The following CHCHD6 variants were observed in gnomAD, a reference collection of about 807,000 sequenced individuals.
The protein encoded by CHCHD6 is coiled-coil-helix-coiled-coil-helix domain containing 6, also known as MICOS complex subunit MIC25.
CHCHD6 carries 28 observed loss-of-function variants against 32.3 expected under a neutral mutation model. That is an observed-to-expected ratio of 0.87 (90% CI 0.64 to 1.19). The LOEUF is 1.19. CHCHD6 is among the 50% of genes most tolerant of loss of function. CHCHD6 has a pLI of 0.00. For synonymous variants in CHCHD6, 122 were observed against 117.5 expected (o/e 1.04, Z -0.25); for missense variants, 333 against 307.0 (o/e 1.08, Z -0.63).
intron 5 of CHCHD6, among the ~76,000 whole-genome samples, chr3:126,864,219 A>C (rs1942138956): frequency 2.0e-5 from 2 of 99,464 alleles, no homozygotes; most frequent in African/African-American, 4.0e-5. Flanking sequence ...CTCATCCTCC[A>C]CCATTATCAT....
Position 126,727,127 on chromosome 3 carries a change from CT to C in CHCHD6, c.138del (p.Ala47LeufsTer14). On this transcript the variant is annotated frameshift_variant, in exon 2 of 8. Coordinates refer to ENST00000290913, the MANE Select transcript of CHCHD6 (RefSeq NM_032343.3). LOFTEE classifies it high-confidence loss of function. ...ATGAAGGAGCCCAGCTCTCCACCCC[CT>C]GCTCCCACATCTTCTACCTTTGGCC... ...NRMKEPSSPPPAPTSSTFGLQ... is the reference protein window; with the variant it reads ...NRMKEPSSPPXAPTSSTFGLQ... The C allele has an allele frequency of 3.7e-6, 6 of 1,614,174 alleles. No homozygotes were observed. Among genetic ancestry groups the C allele is most frequent in the Non-Finnish European group, 5.1e-6 (6 of 1,179,992 alleles).
intron 4 of CHCHD6, among the ~76,000 whole-genome samples, chr3:126,814,597 G>A (rs1039267352): frequency 4.6e-5 from 7 of 152,202 alleles, no homozygotes; most frequent in Non-Finnish European, 1.0e-4. Flanking sequence ...CAGACTTGGA[G>A]AGCTTCCAGA....
At chr3:126,928,740 G>A (rs532589989) in intron 6 of CHCHD6, among the ~76,000 whole-genome samples, 8 of 152,308 alleles carry the variant, frequency 5.3e-5, no homozygotes, top group Non-Finnish European at 1.0e-4. Context: ...GTGTTCCAAC[G>A]TCATCATTCC....
At chr3:126,789,919 T>C (rs1938437985) in intron 4 of CHCHD6, among the ~76,000 whole-genome samples, 1 of 152,184 alleles carries the variant, frequency 6.6e-6, no homozygotes. Flanking sequence ...CTTCCTAGTC[T>C]CGATGGTCTT....
At chr3:126,769,552 A>G (rs192780963) in intron 4 of CHCHD6, among the ~76,000 whole-genome samples, 145 of 152,190 alleles carry the variant, frequency 9.5e-4, no homozygotes, top group Non-Finnish European at 1.6e-3. Flanking sequence ...TGCCCACGCT[A>G]GAGTGCAGTG....
chr3:126,817,748 C>G lies in CHCHD6; in HGVS notation c.412-34899C>G, dbSNP rs920109356. ...TGAACTTTACTCTTGTCCTTCATGA[C>G]TTCCTGCCTCAGCCTGTCTTCCCCT... On this transcript the variant is annotated intron_variant, in intron 4 of 7. Transcript: ENST00000290913. Among the ~76,000 whole-genome samples the G allele has an allele frequency of 2.0e-5, 3 of 152,324 alleles. 1 individual carries two copies.
intron 5 of CHCHD6, among the ~76,000 whole-genome samples, chr3:126,872,455 A>T (rs1248134103): frequency 6.6e-6 from 1 of 152,136 alleles, no homozygotes; most frequent in African/African-American, 2.4e-5. Flanking sequence ...CGGTAAAAAG[A>T]TTTCCACCGC....
intron 1 of CHCHD6, among the ~76,000 whole-genome samples, chr3:126,726,405 GATCACT>G (rs1280516132): frequency 6.6e-6 from 1 of 152,208 alleles, no homozygotes; most frequent in Non-Finnish European, 1.5e-5. Context: ...ACTGATCACA[GATCACT>G]GTAACAGATA....
At chr3:126,774,949 G>A (rs193135246) in intron 4 of CHCHD6, among the ~76,000 whole-genome samples, 6 of 152,246 alleles carry the variant, frequency 3.9e-5, no homozygotes, top group Admixed American at 2.6e-4. Flanking sequence ...GAGATAATGA[G>A]GCAAGAAGAA....
chr3:126,717,155 C>T (rs770600527), intron 1 of CHCHD6, among the ~76,000 whole-genome samples: 8 of 152,148 alleles, frequency 5.3e-5, no homozygotes, highest in Admixed American at 5.2e-4. Flanking sequence ...TTTAACCTCT[C>T]TCTACCTTGG....
chr3:126,910,680 A>G (rs528497452), intron 5 of CHCHD6, among the ~76,000 whole-genome samples: 17 of 152,348 alleles, frequency 1.1e-4, no homozygotes, highest in African/African-American at 4.1e-4. Context: ...AAGACTAGAA[A>G]CAACCTCTGT....
chr3:126,862,722 C>T (rs368772920), intron 5 of CHCHD6, among the ~76,000 whole-genome samples: 1 of 110,806 alleles, frequency 9.0e-6, no homozygotes, highest in Non-Finnish European at 1.8e-5. Context: ...CCTCCTCTAC[C>T]ATCACCACCT....
At chr3:126,782,070 C>G (rs1017270223) in intron 4 of CHCHD6, among the ~76,000 whole-genome samples, 15 of 152,130 alleles carry the variant, frequency 9.9e-5, no homozygotes, top group African/African-American at 2.9e-4. Context: ...GGTAGTCATT[C>G]GTGTGTTTAA....
At chr3:126,842,810 C>CTT (rs63135461) in intron 4 of CHCHD6, among the ~76,000 whole-genome samples, 3,223 of 94,606 alleles carry the variant, frequency 0.034, 68 homozygotes, top group Middle Eastern at 0.056. Flanking sequence ...CACTGAAATT[C>CTT]TTTTTTTTTT....
chr3:126,783,310 A>G (rs1938041934), intron 4 of CHCHD6, among the ~76,000 whole-genome samples: 1 of 152,240 alleles, frequency 6.6e-6, no homozygotes, highest in Non-Finnish European at 1.5e-5. Context: ...GTTCCTCAGT[A>G]TACAAAGGCT....
At chr3:126,718,926 A>T (rs1457312947) in intron 1 of CHCHD6, among the ~76,000 whole-genome samples, 2 of 152,226 alleles carry the variant, frequency 1.3e-5, no homozygotes, top group African/African-American at 2.4e-5. Context: ...ACATAAAAAA[A>T]ATTACAACTC....
chr3:126,722,424 A>G (rs1935350908), intron 1 of CHCHD6, among the ~76,000 whole-genome samples: 2 of 152,166 alleles, frequency 1.3e-5, no homozygotes, highest in African/African-American at 2.4e-5. Context: ...CGGCCCTCCA[A>G]AATGCTAAGA....
intron 5 of CHCHD6, among the ~76,000 whole-genome samples, chr3:126,877,819 C>G (rs73205624): frequency 0.013 from 2,039 of 152,244 alleles, 20 homozygotes; most frequent in African/African-American, 0.024. Context: ...TTACCATTGG[C>G]GGAAGGTACA....
chr3:126,784,228 A>G (rs890495225), intron 4 of CHCHD6, among the ~76,000 whole-genome samples: 48 of 152,268 alleles, frequency 3.2e-4, no homozygotes, highest in East Asian at 1.4e-3. Context: ...CCAGGCTTCT[A>G]TCAAGATCTT....
Sources: allele counts gnomAD v4.1 joint callset (sites outside exome capture counted in the v4.1 genomes callset), GRCh38; gene constraint gnomAD v4.1.1; transcripts MANE v1.5; gene names NCBI Gene and HGNC (gene_info 2026-07-23, HGNC 2026-07-21).